Variants in LCP2 observed in about 807,000 individuals in gnomAD.
LCP2 encodes the protein 76 kDa tyrosine phosphoprotein.
In LCP2, 29 loss-of-function variants were observed where a neutral mutation model predicts 74.5. That is an observed-to-expected ratio of 0.39 (90% CI 0.29 to 0.53). LCP2 has a LOEUF of 0.53. Among genes scored for constraint, LCP2 ranks in the 20% least tolerant of loss-of-function variants. LCP2 has a pLI of 0.72. For synonymous variants in LCP2, 228 were observed against 229.5 expected (o/e 0.99, Z 0.06); for missense variants, 604 against 634.6 (o/e 0.95, Z 0.52).
At chr5:170,251,838 C>G in intron 19 of LCP2, 2 of 320,568 alleles carry the variant, frequency 6.2e-6, no homozygotes, top group South Asian at 4.8e-5. Flanking sequence ...TCCGGGTGAT[C>G]TAAATGTGCA....
chr5:170,252,434 C>A lies in LCP2; in HGVS notation c.1323G>T (p.Gln441His). 6.5e-7 allele frequency: 1 copy of A among 1,533,850 alleles called. No individual in the cohort carries two copies. The highest frequency in any genetic ancestry group is 9.0e-7 in the Non-Finnish European group (1 of 1,112,720). ...GTTAAAATAAACTATAGCACAATACCTGGTTTATCTTTCTAAGAGCAGCTT... is the reference window on the plus strand; with the variant it reads ...GTTAAAATAAACTATAGCACAATACATGGTTTATCTTTCTAAGAGCAGCTT... ...EAEAALRKINQDGTFLVRDSS... is the reference protein window; with the variant it reads ...EAEAALRKINHDGTFLVRDSS... The change falls in exon 19 of 21, where the codon CAG becomes CAT. Residue 441 changes from glutamine (Q) to histidine (H), a missense_variant and splice_region_variant. Coordinates refer to ENST00000046794, the MANE Select transcript of LCP2 (RefSeq NM_005565.5).
At chr5:170,262,445 T>C (rs1463924982) in intron 13 of LCP2, among the ~76,000 whole-genome samples, 190 bp downstream of exon 13, 2 of 152,242 alleles carry the variant, frequency 1.3e-5, no homozygotes, top group South Asian at 2.1e-4. Context: ...GTAGAGTCCA[T>C]TTCCTTCAAA....
At position 170,266,863 on chromosome 5, in the gene LCP2, C is replaced by A; in HGVS notation, c.717G>T (p.Thr239=). ...KLPAPSIDRS[T]KPPLDRSLAP... is the part of the protein sequence containing the mutation. ...CTAATGAACGATCTAGGGGAGGTTT[C>A]GTGCTTCTGTCTATTGAAGGAGCAG... The change falls in exon 10 of 21, where the codon ACG becomes ACT. Residue 239 remains threonine (T), a synonymous_variant. Transcript: ENST00000046794. The A allele has an allele frequency of 6.2e-7, 1 of 1,613,800 alleles. No homozygotes were observed. Among genetic ancestry groups the A allele is most frequent in the Non-Finnish European group, 8.5e-7 (1 of 1,179,816 alleles).
In LCP2 at chr5:170,292,034, GC is replaced by G. The variant is rs1462681776; in HGVS notation, c.141+1275del. ...ATAGAACAAATCACATCACAGCTCT[GC>G]ATGTGTTTCCTCATCTGCAAATGAG... On this transcript the variant is annotated intron_variant, in intron 2 of 20. Coordinates refer to ENST00000046794, the MANE Select transcript of LCP2 (RefSeq NM_005565.5). Among the ~76,000 whole-genome samples, 4 of 152,272 alleles carry G rather than the reference GC, an allele frequency of 2.6e-5. No individual in the cohort carries two copies. In the East Asian group the frequency reaches 7.7e-4, roughly 29 times the overall value.
chr5:170,252,207 A>T lies in LCP2; in HGVS notation c.1323+227T>A, dbSNP rs1581056312. The T allele has an allele frequency of 1.4e-5, 5 of 364,752 alleles. No homozygotes were observed. The East Asian group carries it at 2.1e-4, about 15-fold the overall frequency. The allele number at this position is 364,752 out of a possible 1,614,324, so 22.6% of individuals were successfully genotyped here. On this transcript the variant is annotated intron_variant, in intron 19 of 20. Coordinates refer to ENST00000046794, the MANE Select transcript of LCP2 (RefSeq NM_005565.5). Reference sequence around the variant, plus strand: ...AAATCTCCTAAGATGCTGCCAACCAAATGACTGCCTTGAGATTCTTCTGCC... The same window carrying T: ...AAATCTCCTAAGATGCTGCCAACCATATGACTGCCTTGAGATTCTTCTGCC...
chr5:170,247,608 A>G lies in LCP2; in HGVS notation c.*1089T>C, dbSNP rs1263644047. On this transcript the variant is annotated 3_prime_UTR_variant, in exon 21 of 21. Transcript: ENST00000046794. Reference sequence around the variant, plus strand: ...AGTTTTTTAATCTGGCTGAATGCCTATATTTTTTGTTAAGTGATATTTGTA... The same window carrying G: ...AGTTTTTTAATCTGGCTGAATGCCTGTATTTTTTGTTAAGTGATATTTGTA... 1.3e-5 allele frequency: 2 copies of G among 152,234 alleles called. No individual in the cohort carries two copies. Among genetic ancestry groups the G allele is most frequent in the Admixed American group, 1.3e-4 (2 of 15,274 alleles). The allele number at this position is 152,234 out of a possible 1,614,324, so 9.4% of individuals were successfully genotyped here.
At chr5:170,265,715 C>T (rs910135768) in intron 10 of LCP2, among the ~76,000 whole-genome samples, 1 of 152,182 alleles carries the variant, frequency 6.6e-6, no homozygotes, top group Non-Finnish European at 1.5e-5. Flanking sequence ...GCAGCAGCCT[C>T]ATATCCAAGA....
Position 170,293,298 on chromosome 5 carries a change from G to C in LCP2, c.141+12C>G. The C allele has an allele frequency of 6.2e-7, 1 of 1,604,942 alleles. No individual in the cohort carries two copies. Among genetic ancestry groups the C allele is most frequent in the Non-Finnish European group, 8.5e-7 (1 of 1,175,452 alleles). The stretch of plus-strand genomic sequence containing the variant: ...GTCTTGGTTTCAGTGTGTTGGACTA[G>C]CCAGAGCTTACCAAGAAGCGAGCCC... On this transcript the variant is annotated intron_variant, in intron 2 of 20. Transcript: ENST00000046794.
rs1282928546 is a variant in LCP2 at position 170,293,215 on chromosome 5, G to A, written c.141+95C>T. Reference sequence around the variant, plus strand: ...GGAAAAAGCAAAGGGATCCTCGGGTGTCCCCAGGGAAAGGGTAGGCCAGTT... The same window carrying A: ...GGAAAAAGCAAAGGGATCCTCGGGTATCCCCAGGGAAAGGGTAGGCCAGTT... On this transcript the variant is annotated intron_variant, in intron 2 of 20. Transcript: ENST00000046794. 5.0e-6 allele frequency: 6 copies of A among 1,198,752 alleles called. No homozygotes were observed. The African/African-American group carries it at 7.6e-5, about 15-fold the overall frequency. The allele number at this position is 1,198,752 out of a possible 1,614,324, so 74.3% of individuals were successfully genotyped here.
chr5:170,289,474 G>T (rs937891322), intron 2 of LCP2, among the ~76,000 whole-genome samples: 7 of 152,184 alleles, frequency 4.6e-5, no homozygotes, highest in African/African-American at 7.2e-5. Context: ...CAGCTCACAG[G>T]CATGGTTTCT....
In LCP2 at chr5:170,297,725, C is replaced by T; in HGVS notation, c.-114G>A. On this transcript the variant is annotated 5_prime_UTR_variant, in exon 1 of 21. Coordinates refer to ENST00000046794, the MANE Select transcript of LCP2 (RefSeq NM_005565.5). ...CTTGGCTCTTCCAACTCCCAGCTACCCTGTGGAACACCCCTGTTGGAGCCG... is the reference window on the plus strand; with the variant it reads ...CTTGGCTCTTCCAACTCCCAGCTACTCTGTGGAACACCCCTGTTGGAGCCG... The T allele has an allele frequency of 1.3e-6, 1 of 792,708 alleles. No individual in the cohort carries two copies. The highest frequency in any genetic ancestry group is 1.9e-5 in the South Asian group (1 of 53,416). 49.1% of individuals were successfully genotyped at this position (792,708 alleles called of 1,614,324 possible). A position where few individuals can be genotyped will look rare whatever the true frequency, so the allele number is the denominator to read the frequency against.
At chr5:170,257,650 C>T (rs1304066050) in intron 16 of LCP2, among the ~76,000 whole-genome samples, 4 of 152,112 alleles carry the variant, frequency 2.6e-5, no homozygotes, top group East Asian at 1.9e-4. Context: ...CAGCCAAGCA[C>T]GAGGCGCATT....
chr5:170,297,639 A>C lies in LCP2; in HGVS notation c.-28T>G, dbSNP rs1264750254. ...CTGCTCTCCCGGGAAGAAGCTCACAAGCTGAGCATGGGCGCTTCACCCATG... is the reference window on the plus strand; with the variant it reads ...CTGCTCTCCCGGGAAGAAGCTCACACGCTGAGCATGGGCGCTTCACCCATG... On this transcript the variant is annotated 5_prime_UTR_variant, in exon 1 of 21. Transcript: ENST00000046794. 1 of 1,589,880 alleles carries C rather than the reference A, an allele frequency of 6.3e-7. No individual in the cohort carries two copies. Among genetic ancestry groups the C allele is most frequent in the Non-Finnish European group, 8.6e-7 (1 of 1,166,098 alleles).
chr5:170,291,218 GAAGGAAGA>G (rs1402547082), intron 2 of LCP2, among the ~76,000 whole-genome samples: 33 of 149,962 alleles, frequency 2.2e-4, no homozygotes, highest in African/African-American at 6.7e-4. Context: ...AGGAAGGAAG[GAAGGAAGA>G]AAGGAAGGAA....
intron 1 of LCP2, among the ~76,000 whole-genome samples, chr5:170,296,617 CT>C (rs1762390238): frequency 6.6e-6 from 1 of 152,228 alleles, no homozygotes; most frequent in African/African-American, 2.4e-5. Context: ...GCTTAACCGT[CT>C]CGCACAAGTC....
intron 10 of LCP2, among the ~76,000 whole-genome samples, chr5:170,265,269 G>A (rs1007507221): frequency 2.0e-5 from 3 of 152,140 alleles, no homozygotes; most frequent in Admixed American, 6.5e-5. Flanking sequence ...TTACAGGCAT[G>A]AGCCACCATG....
intron 7 of LCP2, among the ~76,000 whole-genome samples, chr5:170,270,201 A>G (rs1761872759): frequency 6.6e-6 from 1 of 152,222 alleles, no homozygotes; most frequent in African/African-American, 2.4e-5. Flanking sequence ...ATGAATGGAG[A>G]GAGAAGTGGG....
chr5:170,280,431 C>T (rs562644373), intron 3 of LCP2, among the ~76,000 whole-genome samples: 193 of 152,284 alleles, frequency 1.3e-3, no homozygotes, highest in Non-Finnish European at 9.3e-4. Context: ...TCTTTAAAGA[C>T]CAGCCCCCTT....
intron 3 of LCP2, among the ~76,000 whole-genome samples, chr5:170,276,093 G>A (rs1299068761): frequency 2.0e-5 from 3 of 152,130 alleles, no homozygotes; most frequent in African/African-American, 7.2e-5. Flanking sequence ...TCTCCTCCTT[G>A]CTGATCTGTG....
Sources: allele counts gnomAD v4.1 joint callset (sites outside exome capture counted in the v4.1 genomes callset), GRCh38; gene constraint gnomAD v4.1.1; transcripts MANE v1.5; gene names NCBI Gene and HGNC (gene_info 2026-07-23, HGNC 2026-07-21).